CES5A: variants seen among roughly 807,000 people sequenced by gnomAD.
CES5A encodes the protein carboxylesterase 5A.
In CES5A, 67 loss-of-function variants were observed where a neutral mutation model predicts 62.9. The ratio of observed to expected loss-of-function variants is 1.07; its 90% CI spans 0.88 to 1.31. The LOEUF (loss-of-function observed/expected upper bound fraction) is 1.31, where lower values mean the gene tolerates loss of function less well. Among genes scored for constraint, CES5A ranks in the 50% most tolerant of loss-of-function variants. The pLI is 0.00. For synonymous variants in CES5A, 296 were observed against 280.8 expected (o/e 1.05, Z -0.54); for missense variants, 748 against 708.5 (o/e 1.06, Z -0.63).
At chr16:55,867,516 C>CT (rs1351311701) in intron 4 of CES5A, among the ~76,000 whole-genome samples, 3 of 152,196 alleles carry the variant, frequency 2.0e-5, no homozygotes, top group African/African-American at 7.2e-5. Context: ...CCTGGGTCCC[C>CT]TCCACTGTCT....
chr16:55,879,748 A>T (rs1381143924), upstream of CES5A, among the ~76,000 whole-genome samples: 1 of 151,980 alleles, frequency 6.6e-6, no homozygotes, highest in Admixed American at 6.6e-5. Flanking sequence ...ACACCACCAC[A>T]CCTGGCTAAT....
chr16:55,850,694 A>C (rs186263999), intron 10 of CES5A, among the ~76,000 whole-genome samples: 3 of 152,332 alleles, frequency 2.0e-5, no homozygotes, highest in Admixed American at 6.5e-5. Flanking sequence ...ACATTCATAT[A>C]CAATTTTTGT....
intron 5 of CES5A, among the ~76,000 whole-genome samples, chr16:55,864,655 G>A (rs1385318568): frequency 6.6e-6 from 1 of 152,090 alleles, no homozygotes; most frequent in Non-Finnish European, 1.5e-5. Context: ...AGCACTTTGG[G>A]AAGCCAAAGC....
intron 2 of CES5A, 151 bp downstream of exon 2, chr16:55,873,682 G>A: frequency 2.9e-6 from 2 of 684,090 alleles, no homozygotes; most frequent in Non-Finnish European, 2.5e-6. Flanking sequence ...GGAGTCAGGG[G>A]ATTACCAAAC....
At chr16:55,879,453 G>A (rs764432605), upstream of CES5A, among the ~76,000 whole-genome samples, 3 of 145,908 alleles carry the variant, frequency 2.1e-5, no homozygotes, top group Non-Finnish European at 3.0e-5. Context: ...ATCCCTGCAA[G>A]CCCATGACTG....
intron 2 of CES5A, among the ~76,000 whole-genome samples, chr16:55,946,275 T>C (rs2034493896): frequency 6.6e-6 from 1 of 152,122 alleles, no homozygotes; most frequent in Non-Finnish European, 1.5e-5. Flanking sequence ...CCCAGTCTGA[T>C]ATACCCAGAA....
chr16:55,902,206 G>A (rs750899794), intron 1 of CES5A, among the ~76,000 whole-genome samples: 55 of 152,094 alleles, frequency 3.6e-4, no homozygotes, highest in African/African-American at 1.2e-3. Flanking sequence ...TGAGAAATGC[G>A]AACATTTACT....
At chr16:55,931,374 C>T (rs1199779922) in intron 2 of CES5A, among the ~76,000 whole-genome samples, 1 of 152,152 alleles carries the variant, frequency 6.6e-6, no homozygotes, top group African/African-American at 2.4e-5. Context: ...CCATGATGCC[C>T]AAAAGGAATT....
chr16:55,868,639 G>T (rs1251153012), intron 4 of CES5A, among the ~76,000 whole-genome samples: 1 of 152,152 alleles, frequency 6.6e-6, no homozygotes, highest in Non-Finnish European at 1.5e-5. Context: ...AGGAGCCTCT[G>T]TAAGGCAGGA....
intron 1 of CES5A, among the ~76,000 whole-genome samples, chr16:55,924,603 T>C (rs1304970453): frequency 2.0e-5 from 3 of 151,760 alleles, no homozygotes; most frequent in Non-Finnish European, 3.0e-5. Context: ...AAAAGACCCT[T>C]AATAGCCAAA....
At chr16:55,911,437 G>C (rs1339019968) in intron 1 of CES5A, among the ~76,000 whole-genome samples, 1 of 152,156 alleles carries the variant, frequency 6.6e-6, no homozygotes, top group African/African-American at 2.4e-5. Context: ...CTCTGCTACA[G>C]AACTTGAATA....
At position 55,846,702 on chromosome 16, in the gene CES5A, CAG is replaced by C. The variant is rs781145041; in HGVS notation, c.1497-22_1497-21del. 3.1e-6 allele frequency: 5 copies of C among 1,613,766 alleles called. No individual in the cohort carries two copies. Among genetic ancestry groups the C allele is most frequent in the Middle Eastern group, 1.6e-4 (1 of 6,062 alleles). ...GGATTCCTAGAAGGGAGAGCAGAAACAGGGGTGAGATTTTCCTCCTCACACCC... is the reference window on the plus strand; with the variant it reads ...GGATTCCTAGAAGGGAGAGCAGAAACGGGTGAGATTTTCCTCCTCACACCC... On this transcript the variant is annotated intron_variant, in intron 12 of 12. Transcript: ENST00000290567.
intron 3 of CES5A, among the ~76,000 whole-genome samples, chr16:55,870,297 AGGGG>A (rs2033556967): frequency 6.6e-6 from 1 of 151,526 alleles, no homozygotes; most frequent in Non-Finnish European, 1.5e-5. Context: ...TGAGAGGAGG[AGGGG>A]GAAGAAAAAG....
chr16:55,955,270 T>G (rs1430710406), intron 1 of CES5A, among the ~76,000 whole-genome samples: 2 of 152,186 alleles, frequency 1.3e-5, no homozygotes, highest in Admixed American at 1.3e-4. Flanking sequence ...GTAGGGCTGT[T>G]AGTTTCCTGT....
chr16:55,878,767 A>G (rs1265208127), upstream of CES5A, among the ~76,000 whole-genome samples: 1 of 138,290 alleles, frequency 7.2e-6, no homozygotes. Context: ...ACTGAACCCC[A>G]TCACTGCACC....
At chr16:55,936,971 G>A (rs1252565651) in intron 2 of CES5A, among the ~76,000 whole-genome samples, 1 of 152,134 alleles carries the variant, frequency 6.6e-6, no homozygotes, top group African/African-American at 2.4e-5. Context: ...TGAGGAAACT[G>A]AGGCACACAG....
At chr16:55,861,949 G>A (rs1395676203) in intron 6 of CES5A, among the ~76,000 whole-genome samples, 1 of 152,058 alleles carries the variant, frequency 6.6e-6, no homozygotes, top group Non-Finnish European at 1.5e-5. Context: ...GTCAGTACAG[G>A]CAGGACTCCA....
chr16:55,935,771 T>C (rs1230332240), intron 2 of CES5A, among the ~76,000 whole-genome samples: 1 of 151,918 alleles, frequency 6.6e-6, no homozygotes, highest in Non-Finnish European at 1.5e-5. Context: ...CTCCTGGTGA[T>C]GTTTCATTCA....
At chr16:55,878,313 T>G (rs1454878630), upstream of CES5A, among the ~76,000 whole-genome samples, 6 of 151,858 alleles carry the variant, frequency 4.0e-5, no homozygotes, top group Non-Finnish European at 5.9e-5. Flanking sequence ...TGCCTCAGGG[T>G]GGAAACCAGC....
Sources: allele counts gnomAD v4.1 joint callset (sites outside exome capture counted in the v4.1 genomes callset), GRCh38; gene constraint gnomAD v4.1.1; transcripts MANE v1.5; gene names NCBI Gene and HGNC (gene_info 2026-07-23, HGNC 2026-07-21).